The following FRMPD3 variants were observed in gnomAD, a reference collection of about 807,000 sequenced individuals.
FRMPD3 encodes FERM and PDZ domain-containing protein 3.
In FRMPD3, 42 loss-of-function variants were observed where a neutral mutation model predicts 97.9. The observed-to-expected ratio is 0.43, with a 90% CI of 0.34 to 0.55. The LOEUF (loss-of-function observed/expected upper bound fraction) is 0.55, where lower values mean the gene tolerates loss of function less well. FRMPD3 is among the 20% of genes least tolerant of loss of function. The pLI, the probability that FRMPD3 is intolerant of heterozygous loss-of-function variation, is 0.03. For synonymous variants in FRMPD3, 577 were observed against 581.1 expected (o/e 0.99, Z 0.10); for missense variants, 1,303 against 1,457.7 (o/e 0.89, Z 1.73).
intron 1 of FRMPD3, among the ~76,000 whole-genome samples, chrX:107,467,021 T>TGA (rs1420972740): frequency 2.9e-5 from 3 of 104,927 alleles, no homozygotes; most frequent in African/African-American, 7.2e-5. Flanking sequence ...TGTGTGTGTG[T>TGA]GTGAGAGAGA....
chrX:107,484,479 A>G (rs1921454107), intron 1 of FRMPD3, among the ~76,000 whole-genome samples: 1 of 112,565 alleles, frequency 8.9e-6, no homozygotes, highest in African/African-American at 3.2e-5. Flanking sequence ...CTCCTCCCCA[A>G]ATCCCAGAAA....
chrX:107,476,157 T>G (rs1029399223), intron 1 of FRMPD3, among the ~76,000 whole-genome samples: 1 of 112,448 alleles, frequency 8.9e-6, no homozygotes, highest in African/African-American at 3.2e-5. Context: ...AGTGCTGGGA[T>G]TACAGGCGTG....
rs181387588 is a variant in FRMPD3, at chrX:107,497,535, C to G, written c.-7-29047C>G. On this transcript the variant is annotated intron_variant, in intron 1 of 14. Transcript: ENST00000683843. Reference sequence around the variant, plus strand: ...TGCTCAGGGGCCTCATTTGCATAGACGAATGCAGACTGGCATCTGTCAGCT... The same window carrying G: ...TGCTCAGGGGCCTCATTTGCATAGAGGAATGCAGACTGGCATCTGTCAGCT... Among the ~76,000 whole-genome samples the G allele has an allele frequency of 6.2e-5, 7 of 112,101 alleles. No homozygotes were observed. In the East Asian group the frequency reaches 2.0e-3, roughly 32 times the overall value.
At position 107,579,765 on chromosome X, in the gene FRMPD3, G is replaced by A. The variant is rs140470006; in HGVS notation, c.1441+3306G>A. On this transcript the variant is annotated intron_variant, in intron 13 of 14. Transcript: ENST00000683843. ...TGCAGCCCTGAGCTCTCTGTATCCT[G>A]GGGTAATCCAGGAAAAAAAGGCTTT... is the stretch of plus-strand genomic sequence containing the variant. Among the ~76,000 whole-genome samples the A allele has an allele frequency of 5.0e-4, 56 of 111,151 alleles. 1 individual carries two copies. Among genetic ancestry groups the A allele is most frequent in the African/African-American group, 1.8e-3 (54 of 30,630 alleles).
chrX:107,587,104 A>G (rs1174414640), intron 13 of FRMPD3, among the ~76,000 whole-genome samples: 1 of 111,758 alleles, frequency 8.9e-6, no homozygotes, highest in Admixed American at 9.5e-5. Context: ...GTAGGTCTCT[A>G]AGAACTTGTT....
intron 1 of FRMPD3, among the ~76,000 whole-genome samples, chrX:107,452,400 T>A (rs1209584921): frequency 1.8e-5 from 2 of 111,949 alleles, no homozygotes; most frequent in Non-Finnish European, 3.8e-5. Context: ...CATTGCTGCA[T>A]GTGGAGAGAA....
chrX:107,569,294 C>CAAAAA (rs752263727), intron 12 of FRMPD3, among the ~76,000 whole-genome samples: 3 of 21,229 alleles, frequency 1.4e-4, no homozygotes, highest in Non-Finnish European at 2.2e-4. Context: ...GACTCCATCT[C>CAAAAA]AAAAAAAAAA....
chrX:107,467,645 T>G (rs1931596851), intron 1 of FRMPD3, among the ~76,000 whole-genome samples: 1 of 110,708 alleles, frequency 9.0e-6, no homozygotes, highest in South Asian at 3.9e-4. Context: ...AGGAAATGGG[T>G]TTTTCCCCCT....
At position 107,560,315 on chromosome X, in the gene FRMPD3, T is replaced by G; in HGVS notation, c.821T>G (p.Leu274Trp). 8.3e-7 allele frequency: 1 copy of G among 1,209,015 alleles called. No homozygotes were observed. Among genetic ancestry groups the G allele is most frequent in the African/African-American group, 1.7e-5 (1 of 57,423 alleles). ...FGMDPKPEML[L>W]GLAALHIYIT... The stretch of plus-strand genomic sequence containing the variant: ...ATGGATCCCAAGCCAGAGATGCTTT[T>G]GGGCCTTGCTGCGCTCCACATCTAT... The change falls in exon 9 of 15, where the codon TTG becomes TGG. Residue 274 changes from leucine (L) to tryptophan (W), a missense_variant. By Grantham distance (61) the Leu-to-Trp change is moderately conservative. This residue lies in a region of FRMPD3 where 535 missense variants were observed against 618.6 expected (regional missense o/e 0.86). Coordinates refer to ENST00000683843, the MANE Select transcript of FRMPD3 (RefSeq NM_001388459.1).
intron 1 of FRMPD3, among the ~76,000 whole-genome samples, chrX:107,483,455 A>G (rs760126663): frequency 1.7e-4 from 19 of 112,226 alleles, no homozygotes; most frequent in Admixed American, 7.5e-4. Context: ...CCCTGGACCC[A>G]GGCTGAGACC....
At chrX:107,522,636 G>A (rs764364473) in intron 1 of FRMPD3, among the ~76,000 whole-genome samples, 27 of 112,407 alleles carry the variant, frequency 2.4e-4, no homozygotes, top group African/African-American at 8.4e-4. Context: ...GTCACCTAGC[G>A]TATTTGGCAG....
Position 107,602,638 on chromosome X carries a change from G to A in FRMPD3, c.4599G>A (p.Gln1533=). 1 of 1,211,039 alleles carries A rather than the reference G, an allele frequency of 8.3e-7. No homozygotes were observed. The highest frequency in any genetic ancestry group is 1.1e-6 in the Non-Finnish European group (1 of 895,481). The change falls in exon 15 of 15, where the codon CAG becomes CAA. Residue 1533 remains glutamine (Q), a synonymous_variant. Coordinates refer to ENST00000683843, the MANE Select transcript of FRMPD3 (RefSeq NM_001388459.1). ...KILPGMKLDE[Q]VVPVVSRTLQ... The stretch of plus-strand genomic sequence containing the variant: ...TGCCTGGCATGAAGCTGGACGAGCA[G>A]GTGGTGCCTGTGGTGAGCAGGACCC...
intron 1 of FRMPD3, among the ~76,000 whole-genome samples, chrX:107,453,662 G>A (rs2147885007): frequency 8.9e-6 from 1 of 112,174 alleles, no homozygotes; most frequent in African/African-American, 3.2e-5. Flanking sequence ...GGGCAAAGGG[G>A]TAGGGTAGGG....
intron 1 of FRMPD3, among the ~76,000 whole-genome samples, chrX:107,475,841 C>A (rs888380165): frequency 8.9e-6 from 1 of 112,272 alleles, no homozygotes; most frequent in African/African-American, 3.2e-5. Flanking sequence ...CATTTCTGAG[C>A]CTCAATTTCC....
At chrX:107,582,924 A>G (rs1047740965) in intron 13 of FRMPD3, among the ~76,000 whole-genome samples, 1 of 111,992 alleles carries the variant, frequency 8.9e-6, no homozygotes, top group African/African-American at 3.2e-5. Flanking sequence ...AATAGAGACT[A>G]TGTTGAATCT....
chrX:107,544,141 CAGAA>C (rs1299009390), intron 4 of FRMPD3, among the ~76,000 whole-genome samples: 1 of 111,232 alleles, frequency 9.0e-6, no homozygotes, highest in Non-Finnish European at 1.9e-5. Context: ...AAGCCAGACA[CAGAA>C]AGACAAATAC....
rs763133504 is a variant in FRMPD3, at chrX:107,597,358, C to A, written c.1479C>A (p.Gly493=). 1 of 1,208,411 alleles carries A rather than the reference C, an allele frequency of 8.3e-7. No individual in the cohort carries two copies. Among genetic ancestry groups the A allele is most frequent in the Non-Finnish European group, 1.1e-6 (1 of 894,520 alleles). ...GCGCCCACCGCCCTGTCACTGGGGG[C>A]CACCTGGGGAAAAAGGAGAGTAGTT... ...MHSAHRPVTG[G]HLGKKESSYV... Residue 493 remains glycine (G), a synonymous_variant, in exon 14 of 15, where the codon GGC becomes GGA. Transcript: ENST00000683843.
rs1922449640 is a variant in FRMPD3, at chrX:107,563,176, C to T, written c.1092C>T (p.Gly364=). The T allele has an allele frequency of 1.7e-6, 2 of 1,207,398 alleles. No homozygotes were observed. The highest frequency in any genetic ancestry group is 2.2e-6 in the Non-Finnish European group (2 of 893,880). Residue 364 remains glycine, a synonymous_variant, in exon 11 of 15, where the codon GGC becomes GGT. Coordinates refer to ENST00000683843, the MANE Select transcript of FRMPD3 (RefSeq NM_001388459.1). ...RILNELPTFT[G]VLFNTVGLDE... is the part of the protein sequence containing the mutation. ...TGAATGAACTTCCTACCTTCACGGGCGTTTTGTTCAACACTGTAGGCCTGG... is the reference window on the plus strand; with the variant it reads ...TGAATGAACTTCCTACCTTCACGGGTGTTTTGTTCAACACTGTAGGCCTGG...
Position 107,557,689 on chromosome X carries a change from GTGTGTT to G in FRMPD3, c.763-2566_763-2561del, listed in dbSNP as rs1287216405. Among the ~76,000 whole-genome samples the G allele has an allele frequency of 7.7e-3, 755 of 98,543 alleles. 9 individuals are homozygous for G. Among genetic ancestry groups the G allele is most frequent in the African/African-American group, 0.026 (700 of 26,566 alleles). The allele number at this position is 98,543 out of a possible 115,157, so 85.6% of individuals were successfully genotyped here. A position where few individuals can be genotyped will look rare whatever the true frequency, so the allele number is the denominator to read the frequency against. ...CGTGTGTGTGTGTGTGTGTGTGTGT[GTGTGTT>G]TTTTTTTGCATATGGATATCCAATT... On this transcript the variant is annotated intron_variant, in intron 8 of 14. Transcript: ENST00000683843.
Sources: gnomAD v4.1 joint callset for allele counts (sites outside exome capture counted in the v4.1 genomes callset) on GRCh38, gnomAD v4.1.1 for gene constraint, gnomAD v4.1.1 regional missense constraint, MANE v1.5 for transcripts, NCBI Gene and HGNC (gene_info 2026-07-23, HGNC 2026-07-21) for gene names.